Variants in EXOC6B observed in about 807,000 individuals in gnomAD.
EXOC6B encodes exocyst complex component 6B.
EXOC6B carries 54 observed loss-of-function variants against 113.5 expected under a neutral mutation model. The observed-to-expected ratio is 0.48, with a 90% confidence interval of 0.38 to 0.60. EXOC6B has a LOEUF of 0.60. Among genes scored for constraint, EXOC6B ranks in the 20% least tolerant of loss-of-function variants. The pLI is 0.00. For synonymous variants in EXOC6B, 357 were observed against 339.0 expected, an observed-to-expected ratio of 1.05 and a Z score of -0.58; for missense variants, 797 against 977.5, an observed-to-expected ratio of 0.82 and a Z score of 2.46.
intron 8 of EXOC6B, among the ~76,000 whole-genome samples, chr2:72,558,309 A>T (rs1703685529): frequency 6.6e-6 from 1 of 152,150 alleles, no homozygotes; most frequent in South Asian, 2.1e-4. Context: ...AGAAAGAGAG[A>T]AGAAAAGAGG....
At chr2:72,651,614 C>T (rs1442936885) in intron 6 of EXOC6B, among the ~76,000 whole-genome samples, 1 of 152,170 alleles carries the variant, frequency 6.6e-6, no homozygotes, top group Non-Finnish European at 1.5e-5. Context: ...CACTAAGTAA[C>T]ACTTTGTGAC....
At chr2:72,355,873 CT>C (rs1689945412) in intron 19 of EXOC6B, among the ~76,000 whole-genome samples, 1 of 152,084 alleles carries the variant, frequency 6.6e-6, no homozygotes, top group African/African-American at 2.4e-5. Context: ...TTCATTTAAC[CT>C]AGTAGATGAA....
At chr2:72,602,695 G>C (rs1277526880) in intron 6 of EXOC6B, among the ~76,000 whole-genome samples, 2 of 152,020 alleles carry the variant, frequency 1.3e-5, no homozygotes, top group Non-Finnish European at 2.9e-5. Context: ...TATATTAATA[G>C]CATCATTCTG....
chr2:72,472,704 C>T (rs993625841), intron 17 of EXOC6B, among the ~76,000 whole-genome samples: 1 of 151,872 alleles, frequency 6.6e-6, no homozygotes, highest in Non-Finnish European at 1.5e-5. Flanking sequence ...CTATGATCTG[C>T]ATTATTTCCT....
At chr2:72,454,295 G>C (rs1166911670) in intron 18 of EXOC6B, among the ~76,000 whole-genome samples, 1 of 152,094 alleles carries the variant, frequency 6.6e-6, no homozygotes, top group Non-Finnish European at 1.5e-5. Flanking sequence ...CTTGAGCCCA[G>C]AAGTTCAAGA....
Position 72,600,206 on chromosome 2 carries a change from C to T in EXOC6B, c.670-24538G>A, listed in dbSNP as rs544876524. On this transcript the variant is annotated intron_variant, in intron 6 of 21. Transcript: ENST00000272427. ...GAGTAATCCCAGCACTTTGGGAGGC[C>T]GAGGCAGGCAGACTGCTTGAGCCCA... is the stretch of plus-strand genomic sequence containing the variant. 4.6e-5 allele frequency among the ~76,000 whole-genome samples: 7 copies of T among 152,022 alleles called. No homozygotes were observed. The East Asian group carries it at 7.8e-4, about 17-fold the overall frequency.
chr2:72,471,277 G>T (rs1318103385), intron 17 of EXOC6B, among the ~76,000 whole-genome samples: 1 of 152,164 alleles, frequency 6.6e-6, no homozygotes, highest in Non-Finnish European at 1.5e-5. Context: ...TTTGAGAAGT[G>T]TCTGTTCATG....
chr2:72,186,531 TC>T (rs1678446102), intron 20 of EXOC6B, among the ~76,000 whole-genome samples: 3 of 131,544 alleles, frequency 2.3e-5, no homozygotes, highest in South Asian at 2.1e-4. Flanking sequence ...AAAATTTTTT[TC>T]ACAAATAAAA....
At chr2:72,450,541 G>A (rs1696851683) in intron 18 of EXOC6B, among the ~76,000 whole-genome samples, 2 of 152,202 alleles carry the variant, frequency 1.3e-5, no homozygotes, top group Non-Finnish European at 2.9e-5. Flanking sequence ...AGATATTCAT[G>A]AGATACCCCT....
At chr2:72,448,113 T>C (rs371589801) in intron 18 of EXOC6B, among the ~76,000 whole-genome samples, 8 of 152,324 alleles carry the variant, frequency 5.3e-5, no homozygotes, top group African/African-American at 1.7e-4. Flanking sequence ...CTATCTACGA[T>C]ACTAACTTCA....
chr2:72,709,422 T>C (rs962323821), intron 6 of EXOC6B, among the ~76,000 whole-genome samples: 3 of 152,122 alleles, frequency 2.0e-5, no homozygotes, highest in African/African-American at 7.2e-5. Flanking sequence ...GTTGGAGGGC[T>C]CTAGATCCAA....
chr2:72,583,687 A>T (rs895801558), intron 6 of EXOC6B, among the ~76,000 whole-genome samples: 6 of 151,992 alleles, frequency 3.9e-5, no homozygotes, highest in South Asian at 4.1e-4. Context: ...GGCCTACCTT[A>T]AAAAAGACCC....
chr2:72,379,942 T>G (rs1360709828), intron 18 of EXOC6B, 72 bp from the exon 19 acceptor site: 42 of 1,387,734 alleles, frequency 3.0e-5, no homozygotes, highest in Non-Finnish European at 3.7e-5. Context: ...CAACAAAACT[T>G]AAAATTACTT....
intron 16 of EXOC6B, among the ~76,000 whole-genome samples, chr2:72,481,836 T>G (rs1699117917): frequency 6.6e-6 from 1 of 152,194 alleles, no homozygotes; most frequent in South Asian, 2.1e-4. Context: ...AAAAAAAAGT[T>G]GTCTTCTATA....
At chr2:72,453,406 C>A (rs968433156) in intron 18 of EXOC6B, among the ~76,000 whole-genome samples, 1 of 151,944 alleles carries the variant, frequency 6.6e-6, no homozygotes. Flanking sequence ...TTTTAAAATG[C>A]CAACAACAAT....
intron 1 of EXOC6B, among the ~76,000 whole-genome samples, chr2:72,751,621 C>A (rs1043793578): frequency 2.0e-5 from 3 of 151,806 alleles, no homozygotes; most frequent in Admixed American, 6.6e-5. Flanking sequence ...AAATATAGAA[C>A]TTTTAGAATA....
chr2:72,659,352 C>A (rs1217143982), intron 6 of EXOC6B, among the ~76,000 whole-genome samples: 1 of 152,062 alleles, frequency 6.6e-6, no homozygotes, highest in Non-Finnish European at 1.5e-5. Context: ...AAAAAGAAGA[C>A]CCCTAATCTC....
At chr2:72,739,470 G>T (rs545582431) in intron 2 of EXOC6B, among the ~76,000 whole-genome samples, 5 of 152,150 alleles carry the variant, frequency 3.3e-5, no homozygotes, top group Non-Finnish European at 5.9e-5. Context: ...ATATGTGTTT[G>T]TAAGTATTTT....
intron 1 of EXOC6B, among the ~76,000 whole-genome samples, chr2:72,788,528 G>T (rs988498979): frequency 4.5e-4 from 69 of 152,152 alleles, no homozygotes; most frequent in African/African-American, 1.6e-3. Context: ...CTGGTGCAGT[G>T]GCTCGCACCT....
Sources: gnomAD v4.1 joint callset for allele counts (sites outside exome capture counted in the v4.1 genomes callset) on GRCh38, gnomAD v4.1.1 for gene constraint, MANE v1.5 for transcripts, NCBI Gene and HGNC (gene_info 2026-07-23, HGNC 2026-07-21) for gene names.